LRRC49: variants seen among roughly 807,000 people sequenced by gnomAD.
LRRC49 encodes the protein leucine-rich repeat-containing protein 49.
LRRC49 carries 50 observed loss-of-function variants against 83.3 expected under a neutral mutation model. The ratio of observed to expected loss-of-function variants is 0.60; its 90% confidence interval spans 0.48 to 0.76. The LOEUF (loss-of-function observed/expected upper bound fraction) is 0.76. LRRC49 is among the 30% of genes least tolerant of loss of function. The pLI is 0.00. For synonymous variants in LRRC49, 286 were observed against 283.3 expected (o/e 1.01, Z -0.10); for missense variants, 704 against 809.1 (o/e 0.87, Z 1.58).
In LRRC49 at chr15:70,958,570, T is replaced by A. The variant is rs566087447; in HGVS notation, c.774-5215T>A. On this transcript the variant is annotated intron_variant, in intron 8 of 15. Transcript: ENST00000260382. ...AAAAGCCATCACAAATACCAGAAAC[T>A]GTTCTGAGATTTTTATACTGATGAA... 8.5e-5 allele frequency among the ~76,000 whole-genome samples: 13 copies of A among 152,310 alleles called. No individual in the cohort carries two copies. In the South Asian group the frequency reaches 2.7e-3, roughly 32 times the overall value.
upstream of LRRC49, among the ~76,000 whole-genome samples, chr15:70,889,804 CAGTT>C (rs2033506372): frequency 2.6e-5 from 4 of 152,202 alleles, no homozygotes; most frequent in South Asian, 8.3e-4. Context: ...GATTTTTAGA[CAGTT>C]AGTCCTGGGA....
intron 5 of LRRC49, chr15:70,908,098 C>A (rs1038596481): frequency 5.8e-5 from 25 of 433,578 alleles, no homozygotes; most frequent in South Asian, 3.8e-4. Context: ...TTGGGTTTAA[C>A]TGATTGAACG....
Position 71,049,789 on chromosome 15 carries a change from G to A in LRRC49, c.*177G>A. The A allele has an allele frequency of 7.4e-6, 4 of 541,698 alleles. No individual in the cohort carries two copies. Among genetic ancestry groups the A allele is most frequent in the Non-Finnish European group, 9.7e-6 (3 of 310,718 alleles). 33.6% of individuals were successfully genotyped at this position (541,698 alleles called of 1,614,324 possible). A position where few individuals can be genotyped will look rare whatever the true frequency, so the allele number is the denominator to read the frequency against. ...AGTTAAGAAGGAAGGAAGGAAAGCAGGAGAAAGGAAGGATTAATTGCCTGT... is the reference window on the plus strand; with the variant it reads ...AGTTAAGAAGGAAGGAAGGAAAGCAAGAGAAAGGAAGGATTAATTGCCTGT... On this transcript the variant is annotated 3_prime_UTR_variant, in exon 16 of 16. Transcript: ENST00000260382.
chr15:70,859,661 C>A, intron 1 of LRRC49: 1 of 650,488 alleles, frequency 1.5e-6, no homozygotes, highest in Non-Finnish European at 2.9e-6. Context: ...CATCAGCCGG[C>A]TCCAGGCTGA....
chr15:71,032,323 T>C (rs1039911215), intron 14 of LRRC49, among the ~76,000 whole-genome samples: 2 of 151,856 alleles, frequency 1.3e-5, no homozygotes, highest in Non-Finnish European at 2.9e-5. Context: ...GCCTAACCAG[T>C]CCCAATGAGA....
intron 3 of LRRC49, chr15:70,900,203 C>T (rs1172067386): frequency 2.2e-5 from 5 of 228,332 alleles, no homozygotes; most frequent in Non-Finnish European, 4.4e-5. Flanking sequence ...TTTCAGTCTG[C>T]TAGATTGAAA....
intron 15 of LRRC49, among the ~76,000 whole-genome samples, chr15:71,047,115 A>G (rs1430506039): frequency 2.6e-5 from 4 of 152,170 alleles, no homozygotes; most frequent in African/African-American, 9.6e-5. Flanking sequence ...TTGAAGTCAG[A>G]TAGCATAATG....
At chr15:70,959,951 G>T (rs1434591751) in intron 8 of LRRC49, among the ~76,000 whole-genome samples, 3 of 152,140 alleles carry the variant, frequency 2.0e-5, no homozygotes, top group Non-Finnish European at 4.4e-5. Flanking sequence ...AAGAATAACA[G>T]GAAGAAACAT....
At chr15:70,956,520 T>TGG (rs1293538361) in intron 8 of LRRC49, among the ~76,000 whole-genome samples, 5 of 142,590 alleles carry the variant, frequency 3.5e-5, no homozygotes, top group Non-Finnish European at 6.2e-5. Flanking sequence ...AAAAAAAAGG[T>TGG]GGGGTGGCGA....
intron 1 of LRRC49, among the ~76,000 whole-genome samples, chr15:70,866,729 G>A (rs1367047851): frequency 6.6e-6 from 1 of 152,046 alleles, no homozygotes; most frequent in Non-Finnish European, 1.5e-5. Flanking sequence ...AAGCAGCACT[G>A]GACCATATAC....
At chr15:70,858,977 C>T in intron 1 of LRRC49, 3 of 863,472 alleles carry the variant, frequency 3.5e-6, no homozygotes, top group Non-Finnish European at 4.0e-6. Context: ...AGGCTCTACA[C>T]ACCCAAAGAA....
chr15:71,020,440 C>G (rs2038959090), intron 14 of LRRC49, among the ~76,000 whole-genome samples: 1 of 152,098 alleles, frequency 6.6e-6, no homozygotes, highest in African/African-American at 2.4e-5. Flanking sequence ...TTGTTCAGAA[C>G]TGATGAAATA....
chr15:70,953,527 A>G (rs2141183014), intron 8 of LRRC49, among the ~76,000 whole-genome samples: 1 of 152,236 alleles, frequency 6.6e-6, no homozygotes, highest in East Asian at 1.9e-4. Context: ...TCCCTTTGTA[A>G]GTTTTTCTCT....
intron 8 of LRRC49, among the ~76,000 whole-genome samples, chr15:70,941,761 T>G (rs567941687): frequency 6.6e-6 from 1 of 152,194 alleles, no homozygotes; most frequent in Admixed American, 6.5e-5. Flanking sequence ...TCTCATGGAT[T>G]TTATTTATAA....
In LRRC49 at chr15:71,037,203, A is replaced by G. The variant is rs776015994; in HGVS notation, c.1728A>G (p.Leu576=). 1.2e-6 allele frequency: 2 copies of G among 1,609,334 alleles called. No homozygotes were observed. The highest frequency in any genetic ancestry group is 1.1e-5 in the South Asian group (1 of 90,436). Residue 576 remains leucine, a synonymous_variant, in exon 15 of 16, where the codon CTA becomes CTG. Transcript: ENST00000260382. ...DARKKQFRYL[L]ESKGKKPGII... Reference sequence around the variant, plus strand: ...GGAAAAAGCAATTTCGGTATCTACTAGAATCCAAAGGAAAAAAACCTGGTA... The same window carrying G: ...GGAAAAAGCAATTTCGGTATCTACTGGAATCCAAAGGAAAAAAACCTGGTA...
At chr15:70,979,539 T>G (rs2037326130) in intron 9 of LRRC49, among the ~76,000 whole-genome samples, 1 of 152,086 alleles carries the variant, frequency 6.6e-6, no homozygotes, top group South Asian at 2.1e-4. Context: ...ACTACGGTCA[T>G]CATGCTATAT....
Position 70,892,842 on chromosome 15 carries a change from T to C in LRRC49, c.-53T>C. 6.2e-7 allele frequency: 1 copy of C among 1,614,214 alleles called. No homozygotes were observed. The highest frequency in any genetic ancestry group is 8.5e-7 in the Non-Finnish European group (1 of 1,180,016). ...CTTTCGGGTCTCTTTGAATCTCCGC[T>C]GTAGCGTCACCTGGAAGGCAGATCT... On this transcript the variant is annotated 5_prime_UTR_variant, in exon 1 of 16. Transcript: ENST00000260382.
intron 9 of LRRC49, among the ~76,000 whole-genome samples, chr15:70,977,094 C>CT (rs2037233814): frequency 6.6e-6 from 1 of 152,010 alleles, no homozygotes; most frequent in African/African-American, 2.4e-5. Context: ...GAAATTGGCT[C>CT]TTTGAAAAAA....
chr15:70,963,979 G>A (rs916373888), intron 9 of LRRC49, 47 bp downstream of exon 9: 1 of 1,560,688 alleles, frequency 6.4e-7, no homozygotes, highest in Non-Finnish European at 8.7e-7. Context: ...CCTTAGTGTG[G>A]ATTAGGAAAT....
Sources: gnomAD v4.1 joint callset for allele counts (sites outside exome capture counted in the v4.1 genomes callset) on GRCh38, gnomAD v4.1.1 for gene constraint, MANE v1.5 for transcripts, NCBI Gene and HGNC (gene_info 2026-07-23, HGNC 2026-07-21) for gene names.